USP47: variants seen among roughly 807,000 people sequenced by gnomAD.
USP47 encodes the protein ubiquitin specific peptidase 47.
In USP47, 35 loss-of-function variants were observed where a neutral mutation model predicts 165.1. That is an observed-to-expected ratio of 0.21 (90% CI 0.16 to 0.28). USP47 has a LOEUF of 0.28. Among genes scored for constraint, USP47 ranks in the 10% least tolerant of loss-of-function variants. The pLI is 1.00. For synonymous variants in USP47, 531 were observed against 544.5 expected, an observed-to-expected ratio of 0.98 and a Z score of 0.35; for missense variants, 1,277 against 1,607.4, an observed-to-expected ratio of 0.79 and a Z score of 3.52.
intron 4 of USP47, among the ~76,000 whole-genome samples, 157 bp from the exon 5 acceptor site, chr11:11,897,440 G>A (rs549850149): frequency 8.6e-5 from 13 of 152,032 alleles, no homozygotes; most frequent in African/African-American, 2.9e-4. Flanking sequence ...ATTAGAAAAG[G>A]GATCTTTTCT....
intron 1 of USP47, among the ~76,000 whole-genome samples, chr11:11,849,958 A>G (rs1848633831): frequency 2.0e-5 from 3 of 152,022 alleles, no homozygotes; most frequent in African/African-American, 7.2e-5. Flanking sequence ...ACTGTCTTCT[A>G]TTTTTCTGTG....
intron 3 of USP47, 30 bp downstream of exon 3, chr11:11,884,610 A>G: frequency 6.5e-7 from 1 of 1,538,230 alleles, no homozygotes; most frequent in Non-Finnish European, 8.8e-7. Context: ...CCATATTTAT[A>G]ATTTTTGTGC....
chr11:11,873,774 A>G, intron 1 of USP47: 1 of 1,298,888 alleles, frequency 7.7e-7, no homozygotes, highest in Non-Finnish European at 1.0e-6. Flanking sequence ...ATAATTTGTA[A>G]TTCATTTTGT....
chr11:11,910,900 A>G (rs1023605063), intron 8 of USP47, among the ~76,000 whole-genome samples: 3 of 152,244 alleles, frequency 2.0e-5, no homozygotes, highest in African/African-American at 7.2e-5. Flanking sequence ...AAAGAAAACC[A>G]GTAGACATAA....
intron 13 of USP47, among the ~76,000 whole-genome samples, 199 bp from the exon 14 acceptor site, chr11:11,930,497 C>T (rs116523808): frequency 2.5e-4 from 38 of 151,986 alleles, no homozygotes; most frequent in African/African-American, 6.5e-4. Flanking sequence ...AGAGGAGATA[C>T]GGAATCTTCT....
chr11:11,933,867 A>G lies in USP47; in HGVS notation c.1801A>G (p.Met601Val). 6.2e-7 allele frequency: 1 copy of G among 1,609,952 alleles called. No homozygotes were observed. Among genetic ancestry groups the G allele is most frequent in the Non-Finnish European group, 8.5e-7 (1 of 1,177,208 alleles). Residue 601 changes from methionine to valine, a missense_variant, in exon 16 of 28, where the codon ATG becomes GTG. Physicochemically the swap from Met to Val is conservative, Grantham distance 21. This residue lies in a region of USP47 where 909 missense variants were observed against 1,068.1 expected (regional missense o/e 0.85). Coordinates refer to ENST00000527733, the MANE Select transcript of USP47 (RefSeq NM_001282659.2). ...LFCLHPTKQVMMENKLEVHKD... is the reference protein window; with the variant it reads ...LFCLHPTKQVVMENKLEVHKD... ...CTGTTTGCATCCTACAAAACAAGTA[A>G]TGATGGAAAATAAATTGGAGGTTCA...
At chr11:11,904,991 A>G (rs984238968) in intron 7 of USP47, among the ~76,000 whole-genome samples, 1 of 152,074 alleles carries the variant, frequency 6.6e-6, no homozygotes, top group Non-Finnish European at 1.5e-5. Context: ...GTTTAGCTGT[A>G]TAATTATTAA....
rs1850097225 is a variant in USP47, at chr11:11,871,961, TAGATA to T, written c.40-8211_40-8207del. ...AGGAGCACCAACAGGATTGGAATGT[TAGATA>T]AGATGAGAGAAGGACTTGATTGAGA... On this transcript the variant is annotated intron_variant, in intron 1 of 27. Transcript: ENST00000527733. 2.0e-5 allele frequency among the ~76,000 whole-genome samples: 3 copies of T among 152,188 alleles called. No homozygotes were observed. In the South Asian group the frequency reaches 6.2e-4, roughly 32 times the overall value.
At chr11:11,955,413 A>G (rs1358137101) in intron 27 of USP47, among the ~76,000 whole-genome samples, 1 of 152,242 alleles carries the variant, frequency 6.6e-6, no homozygotes, top group Non-Finnish European at 1.5e-5. Context: ...TGATCATTAC[A>G]TGTCATCAGT....
At chr11:11,940,119 T>G (rs1368420925) in intron 18 of USP47, among the ~76,000 whole-genome samples, 4 of 152,042 alleles carry the variant, frequency 2.6e-5, no homozygotes, top group Non-Finnish European at 4.4e-5. Flanking sequence ...GCAGTTTCTT[T>G]GGAATCAGAT....
chr11:11,879,852 C>T (rs1237250327), intron 1 of USP47, among the ~76,000 whole-genome samples: 2 of 151,940 alleles, frequency 1.3e-5, no homozygotes, highest in Non-Finnish European at 2.9e-5. Flanking sequence ...TAATTTTTAA[C>T]TTAAAATTGC....
chr11:11,887,784 C>T (rs1322435383), intron 3 of USP47, among the ~76,000 whole-genome samples: 1 of 152,182 alleles, frequency 6.6e-6, no homozygotes, highest in East Asian at 1.9e-4. Flanking sequence ...TTCTTCTCAT[C>T]ACCACACAGC....
At chr11:11,875,657 G>T (rs1002906762) in intron 1 of USP47, among the ~76,000 whole-genome samples, 1 of 151,970 alleles carries the variant, frequency 6.6e-6, no homozygotes, top group Admixed American at 6.6e-5. Flanking sequence ...AGGCTGGAGT[G>T]CAGTGGCACG....
intron 18 of USP47, among the ~76,000 whole-genome samples, chr11:11,940,116 C>G (rs1241672187): frequency 6.6e-6 from 1 of 151,922 alleles, no homozygotes; most frequent in Non-Finnish European, 1.5e-5. Flanking sequence ...TACGCAGTTT[C>G]TTTGGAATCA....
At chr11:11,895,404 G>C (rs1362613073) in intron 4 of USP47, among the ~76,000 whole-genome samples, 2 of 151,914 alleles carry the variant, frequency 1.3e-5, no homozygotes, top group Non-Finnish European at 2.9e-5. Context: ...ATTTTATCAG[G>C]GGTTGTGTTC....
chr11:11,940,394 A>G, intron 18 of USP47, 35 bp from the exon 19 acceptor site: 1 of 1,553,312 alleles, frequency 6.4e-7, no homozygotes, highest in Non-Finnish European at 8.7e-7. Flanking sequence ...ATTATTTTTG[A>G]AAGAGTACTT....
intron 1 of USP47, among the ~76,000 whole-genome samples, chr11:11,844,675 A>T (rs1848326905): frequency 1.3e-5 from 2 of 152,198 alleles, no homozygotes; most frequent in Non-Finnish European, 2.9e-5. Context: ...ATGGCAAATT[A>T]AAAAATTTCA....
chr11:11,925,149 C>A (rs1269881365), intron 11 of USP47, among the ~76,000 whole-genome samples: 1 of 151,668 alleles, frequency 6.6e-6, no homozygotes, highest in Non-Finnish European at 1.5e-5. Flanking sequence ...GCTCTGTCGC[C>A]CAGGCTCCAG....
Position 11,942,325 on chromosome 11 carries a change from T to C in USP47, c.2314-10T>C. The C allele has an allele frequency of 6.4e-7, 1 of 1,558,574 alleles. No homozygotes were observed. The highest frequency in any genetic ancestry group is 1.2e-5 in the South Asian group (1 of 81,238). On this transcript the variant is annotated splice_polypyrimidine_tract_variant and intron_variant, in intron 19 of 27. Transcript: ENST00000527733. ...ATTAATATATAATAAAACTCTGACT[T>C]ACTATGTAGGTGTTTGTTGAAAGCT...
Sources: gnomAD v4.1 joint callset for allele counts (sites outside exome capture counted in the v4.1 genomes callset) on GRCh38, gnomAD v4.1.1 for gene constraint, gnomAD v4.1.1 regional missense constraint, MANE v1.5 for transcripts, NCBI Gene and HGNC (gene_info 2026-07-23, HGNC 2026-07-21) for gene names.